The following GRM7 variants were observed in gnomAD, a reference collection of about 807,000 sequenced individuals.
GRM7 encodes metabotropic glutamate receptor 7.
In GRM7, 35 loss-of-function variants were observed where a neutral mutation model predicts 84.5. That is an observed-to-expected ratio of 0.41 (90% confidence interval 0.32 to 0.55). The LOEUF (loss-of-function observed/expected upper bound fraction) is 0.55. Among genes scored for constraint, GRM7 ranks in the 20% least tolerant of loss-of-function variants. The probability of loss-of-function intolerance (pLI) is 0.19; values close to 1 mark genes in which losing one functional copy is unlikely to be tolerated. For missense variants in GRM7, 1,003 were observed against 1,194.6 expected (o/e 0.84, Z 2.36); for synonymous variants, 487 against 455.1 (o/e 1.07, Z -0.89).
chr3:7,528,247 C>G (rs1024415842), intron 7 of GRM7, among the ~76,000 whole-genome samples: 1 of 152,012 alleles, frequency 6.6e-6, no homozygotes, highest in Non-Finnish European at 1.5e-5. Flanking sequence ...CTGATTAAAT[C>G]TTGGAAGGTT....
intron 2 of GRM7, among the ~76,000 whole-genome samples, chr3:7,194,528 G>A (rs1027290517): frequency 1.3e-5 from 2 of 152,132 alleles, no homozygotes; most frequent in Admixed American, 1.3e-4. Flanking sequence ...TCATGTCTCA[G>A]ATCTAATGTT....
chr3:6,965,598 G>T (rs1036517013), intron 1 of GRM7, among the ~76,000 whole-genome samples: 1 of 152,086 alleles, frequency 6.6e-6, no homozygotes, highest in East Asian at 1.9e-4. Flanking sequence ...GCCTCCCAAA[G>T]TGTTGGGATT....
chr3:7,475,392 C>T (rs947158403), intron 7 of GRM7, among the ~76,000 whole-genome samples: 2 of 152,134 alleles, frequency 1.3e-5, no homozygotes, highest in African/African-American at 4.8e-5. Context: ...ATCATTTATG[C>T]TTCAATAAGA....
intron 8 of GRM7, among the ~76,000 whole-genome samples, chr3:7,609,072 A>G (rs1696727591): frequency 1.3e-5 from 2 of 152,098 alleles, no homozygotes; most frequent in East Asian, 1.9e-4. Context: ...TCATTGGTCT[A>G]TGTGCCTGTT....
chr3:7,308,582 G>T (rs1017854389), intron 4 of GRM7, among the ~76,000 whole-genome samples: 13 of 152,174 alleles, frequency 8.5e-5, no homozygotes, highest in African/African-American at 3.1e-4. Flanking sequence ...AAAGGGTCTT[G>T]AAAACTGTAC....
At chr3:7,493,253 C>T (rs1423275285) in intron 7 of GRM7, among the ~76,000 whole-genome samples, 2 of 151,944 alleles carry the variant, frequency 1.3e-5, no homozygotes, top group African/African-American at 4.8e-5. Context: ...TAATACTGAA[C>T]AGGAAATGTT....
intron 2 of GRM7, among the ~76,000 whole-genome samples, chr3:7,255,364 T>G (rs1285500761): frequency 2.0e-5 from 3 of 152,206 alleles, no homozygotes; most frequent in Admixed American, 2.0e-4. Context: ...TCACAAGGGT[T>G]GTTGTCTTTC....
At chr3:7,211,990 C>A (rs779114807) in intron 2 of GRM7, among the ~76,000 whole-genome samples, 2 of 151,754 alleles carry the variant, frequency 1.3e-5, no homozygotes, top group Non-Finnish European at 1.5e-5. Context: ...TTCCCTCAGG[C>A]GTAGCTCTTT....
At chr3:6,869,521 C>G (rs1695043477) in intron 1 of GRM7, among the ~76,000 whole-genome samples, 1 of 151,992 alleles carries the variant, frequency 6.6e-6, no homozygotes, top group African/African-American at 2.4e-5. Flanking sequence ...ACACTCTTCT[C>G]TGTTTCTTCT....
rs150179401 is a variant in GRM7 at position 7,310,389 on chromosome 3, T to C, written c.1033+3737T>C. 6.0e-4 allele frequency among the ~76,000 whole-genome samples: 91 copies of C among 152,324 alleles called. No individual in the cohort carries two copies. The East Asian group carries it at 0.015, about 25-fold the overall frequency. On this transcript the variant is annotated intron_variant, in intron 4 of 9. Coordinates refer to ENST00000357716, the MANE Select transcript of GRM7 (RefSeq NM_000844.4). ...TAAAAATAATAGTAATTTTTACTTA[T>C]GATTTGAATGAATTCTTTATTTTTC...
intron 1 of GRM7, among the ~76,000 whole-genome samples, chr3:6,984,038 G>A (rs12493752): frequency 0.083 from 12,634 of 152,178 alleles, 654 homozygotes; most frequent in East Asian, 0.15. Flanking sequence ...CACTTCCGTG[G>A]AATGACTTGA....
At chr3:7,572,856 ATATATATATATATATATATAT>A (rs1559411865) in intron 7 of GRM7, among the ~76,000 whole-genome samples, 7 of 71,588 alleles carry the variant, frequency 9.8e-5, no homozygotes, top group African/African-American at 4.2e-4. Flanking sequence ...ATATATATAT[ATATATATATATATATATATAT>A]ATAAATAATC....
intron 7 of GRM7, among the ~76,000 whole-genome samples, chr3:7,539,251 C>A (rs1411575451): frequency 6.6e-6 from 1 of 152,258 alleles, no homozygotes; most frequent in Admixed American, 6.5e-5. Flanking sequence ...CAGCCTCTGG[C>A]AAGGCTTTAT....
intron 9 of GRM7, among the ~76,000 whole-genome samples, chr3:7,738,869 C>A (rs1269518671): frequency 1.3e-5 from 2 of 151,952 alleles, no homozygotes; most frequent in Non-Finnish European, 2.9e-5. Flanking sequence ...CAAGAAACAT[C>A]TTTTGAAAGT....
At chr3:7,574,406 C>T (rs1390028850) in intron 7 of GRM7, among the ~76,000 whole-genome samples, 3 of 152,170 alleles carry the variant, frequency 2.0e-5, no homozygotes, top group Non-Finnish European at 4.4e-5. Flanking sequence ...GATCCACCTG[C>T]CTCAGCCTCC....
At chr3:6,889,642 T>A (rs1415653093) in intron 1 of GRM7, among the ~76,000 whole-genome samples, 6 of 152,214 alleles carry the variant, frequency 3.9e-5, no homozygotes, top group Admixed American at 6.5e-5. Flanking sequence ...GCCAGTATTT[T>A]ATTGAGGATT....
chr3:7,133,966 C>G (rs1160693610), intron 1 of GRM7, among the ~76,000 whole-genome samples: 1 of 152,140 alleles, frequency 6.6e-6, no homozygotes, highest in Non-Finnish European at 1.5e-5. Flanking sequence ...AAGTATTTCT[C>G]TAATCTACAG....
chr3:6,870,707 G>C (rs1367660875), intron 1 of GRM7, among the ~76,000 whole-genome samples: 3 of 152,112 alleles, frequency 2.0e-5, no homozygotes, highest in African/African-American at 7.2e-5. Flanking sequence ...TCTAAGAAGG[G>C]ATACGTTTTG....
intron 1 of GRM7, among the ~76,000 whole-genome samples, chr3:7,121,597 T>C (rs182115690): frequency 6.6e-6 from 1 of 152,168 alleles, no homozygotes; most frequent in South Asian, 2.1e-4. Context: ...TTTAGATTCT[T>C]TTCTATCTCC....
Sources: gnomAD v4.1 joint callset for allele counts (sites outside exome capture counted in the v4.1 genomes callset) on GRCh38, gnomAD v4.1.1 for gene constraint, MANE v1.5 for transcripts, NCBI Gene and HGNC (gene_info 2026-07-23, HGNC 2026-07-21) for gene names.